BRD4: variants seen among roughly 807,000 people sequenced by gnomAD.
The protein encoded by BRD4 is bromodomain containing 4, also known as bromodomain-containing protein 4.
Under a neutral mutation model 142.1 loss-of-function variants are expected in BRD4, and 16 were observed. The ratio of observed to expected loss-of-function variants is 0.11; its 90% confidence interval spans 0.08 to 0.17. BRD4 has a LOEUF of 0.17. Ranked by LOEUF, BRD4 falls within the 10% of genes least tolerant of loss-of-function variation. BRD4 has a pLI of 1.00. For synonymous variants in BRD4, 833 were observed against 707.5 expected (o/e 1.18, Z -2.82); for missense variants, 1,424 against 1,810.9 (o/e 0.79, Z 3.88).
chr19:15,256,775 C>T (rs992772661), intron 8 of BRD4, among the ~76,000 whole-genome samples, 189 bp downstream of exon 8: 1 of 152,178 alleles, frequency 6.6e-6, no homozygotes, highest in African/African-American at 2.4e-5. Context: ...AAGCTCAACA[C>T]ATATATCATA....
chr19:15,320,700 T>C (rs1269621680), intron 1 of BRD4, among the ~76,000 whole-genome samples: 1 of 152,228 alleles, frequency 6.6e-6, no homozygotes, highest in African/African-American at 2.4e-5. Context: ...GAGACTTGGC[T>C]TGACTTCTCC....
chr19:15,326,300 T>G (rs2048107872), intron 1 of BRD4, among the ~76,000 whole-genome samples: 1 of 151,532 alleles, frequency 6.6e-6, no homozygotes, highest in African/African-American at 2.4e-5. Context: ...CCATCTCTAT[T>G]AAAACTACAA....
intron 1 of BRD4, among the ~76,000 whole-genome samples, chr19:15,314,348 T>C (rs1203774166): frequency 1.3e-5 from 2 of 152,170 alleles, no homozygotes; most frequent in Non-Finnish European, 2.9e-5. Flanking sequence ...ATGATACTTA[T>C]CTAGGTCACT....
chr19:15,295,999 A>T (rs530444857), intron 1 of BRD4, among the ~76,000 whole-genome samples: 2 of 152,260 alleles, frequency 1.3e-5, no homozygotes, highest in Admixed American at 1.3e-4. Flanking sequence ...GTTCACAGAT[A>T]TGATTGTTTA....
At chr19:15,298,703 A>G (rs2047844315) in intron 1 of BRD4, among the ~76,000 whole-genome samples, 1 of 151,466 alleles carries the variant, frequency 6.6e-6, no homozygotes, top group African/African-American at 2.4e-5. Context: ...ACCCTGAAAA[A>G]GAGATGAAAG....
At chr19:15,298,760 A>ACCC (rs1252114420) in intron 1 of BRD4, among the ~76,000 whole-genome samples, 14 of 152,056 alleles carry the variant, frequency 9.2e-5, no homozygotes, top group Non-Finnish European at 1.9e-4. Context: ...CCAAAATTAT[A>ACCC]ACAATCTACT....
intron 11 of BRD4, among the ~76,000 whole-genome samples, chr19:15,251,632 C>T (rs1164397859): frequency 2.6e-5 from 4 of 151,964 alleles, no homozygotes; most frequent in African/African-American, 9.7e-5. Context: ...CCCCCTCTGC[C>T]CCCCGCCCTG....
At chr19:15,315,445 G>A (rs1050501929) in intron 1 of BRD4, among the ~76,000 whole-genome samples, 3 of 152,106 alleles carry the variant, frequency 2.0e-5, no homozygotes, top group African/African-American at 4.8e-5. Context: ...GATGTTGACC[G>A]AGTTCCACTT....
At chr19:15,242,417 G>A (rs1460503489) in intron 14 of BRD4, among the ~76,000 whole-genome samples, 1 of 152,178 alleles carries the variant, frequency 6.6e-6, no homozygotes, top group Admixed American at 6.5e-5. Context: ...CTGGTAACAG[G>A]CGATGAGGAC....
At chr19:15,293,967 G>C (rs2047803853) in intron 1 of BRD4, among the ~76,000 whole-genome samples, 1 of 152,186 alleles carries the variant, frequency 6.6e-6, no homozygotes, top group Non-Finnish European at 1.5e-5. Context: ...TGTAGCATGT[G>C]ATATTGTGAA....
intron 1 of BRD4, among the ~76,000 whole-genome samples, chr19:15,320,462 C>T (rs1014324340): frequency 6.6e-5 from 10 of 152,080 alleles, no homozygotes; most frequent in African/African-American, 2.4e-4. Flanking sequence ...TAACAATATA[C>T]CATACAGATT....
intron 11 of BRD4, among the ~76,000 whole-genome samples, chr19:15,246,238 A>T (rs533920093): frequency 3.3e-5 from 5 of 152,216 alleles, no homozygotes; most frequent in African/African-American, 1.2e-4. Context: ...GCTTGAGTAG[A>T]TTTGCAGTGT....
intron 11 of BRD4, chr19:15,253,622 T>A (rs997513534): frequency 1.9e-5 from 31 of 1,594,826 alleles, no homozygotes; most frequent in Admixed American, 3.4e-5. Flanking sequence ...GGGGCCCAGG[T>A]GATGGCAGGG....
intron 1 of BRD4, among the ~76,000 whole-genome samples, chr19:15,289,338 G>T (rs975661883): frequency 7.2e-5 from 11 of 152,192 alleles, no homozygotes; most frequent in African/African-American, 2.7e-4. Context: ...GATCACCTGA[G>T]GTCAGGAGTT....
At chr19:15,279,728 G>C (rs905891791) in intron 1 of BRD4, among the ~76,000 whole-genome samples, 3 of 152,214 alleles carry the variant, frequency 2.0e-5, no homozygotes, top group Non-Finnish European at 4.4e-5. Context: ...GATTGCTGGA[G>C]ATTCAGTTCC....
intron 1 of BRD4, among the ~76,000 whole-genome samples, chr19:15,308,500 T>C (rs2047937458): frequency 6.7e-6 from 1 of 148,774 alleles, no homozygotes; most frequent in Non-Finnish European, 1.5e-5. Context: ...GGCAGAACAA[T>C]CGCTTGAACC....
At chr19:15,263,099 C>T (rs1216800147) in intron 7 of BRD4, among the ~76,000 whole-genome samples, 1 of 152,010 alleles carries the variant, frequency 6.6e-6, no homozygotes, top group African/African-American at 2.4e-5. Context: ...GGCAAGAGTG[C>T]CCCCCACCCC....
intron 1 of BRD4, among the ~76,000 whole-genome samples, chr19:15,285,341 T>TCAGGCCCAGGC (rs2047731908): frequency 6.6e-6 from 1 of 152,214 alleles, no homozygotes; most frequent in Non-Finnish European, 1.5e-5. Context: ...GTTCAGGAGT[T>TCAGGCCCAGGC]CAGGCCCAGC....
At chr19:15,282,065 T>C (rs916222701) in intron 1 of BRD4, among the ~76,000 whole-genome samples, 1 of 152,160 alleles carries the variant, frequency 6.6e-6, no homozygotes, top group Non-Finnish European at 1.5e-5. Context: ...GGTTAAAATG[T>C]ATTCCAGCAG....
Sources: gnomAD v4.1 joint callset for allele counts (sites outside exome capture counted in the v4.1 genomes callset) on GRCh38, gnomAD v4.1.1 for gene constraint, MANE v1.5 for transcripts, NCBI Gene and HGNC (gene_info 2026-07-23, HGNC 2026-07-21) for gene names.